SNX6: variants seen among roughly 807,000 people sequenced by gnomAD.
SNX6 encodes sorting nexin-6.
In SNX6, 34 loss-of-function variants were observed where a neutral mutation model predicts 63.0. That is an observed-to-expected ratio of 0.54 (90% CI 0.41 to 0.72). The LOEUF is 0.72. Among genes scored for constraint, SNX6 ranks in the 30% least tolerant of loss-of-function variants. SNX6 has a pLI of 0.00. For missense variants in SNX6, 398 were observed against 471.4 expected (o/e 0.84, Z 1.44); for synonymous variants, 170 against 164.2 (o/e 1.04, Z -0.27).
chr14:34,619,161 T>C (rs530217431), intron 2 of SNX6, among the ~76,000 whole-genome samples: 1 of 152,302 alleles, frequency 6.6e-6, no homozygotes, highest in South Asian at 2.1e-4. Flanking sequence ...CAGTGGCTTA[T>C]GCCTGTAATC....
intron 8 of SNX6, among the ~76,000 whole-genome samples, chr14:34,592,098 T>C (rs1036709043): frequency 6.6e-6 from 1 of 152,162 alleles, no homozygotes; most frequent in Non-Finnish European, 1.5e-5. Flanking sequence ...GTCTTAAAAA[T>C]TGCAAGTGGC....
chr14:34,608,276 CA>C lies in SNX6; in HGVS notation c.160-137del, dbSNP rs1411118626. 1.0e-5 allele frequency: 5 copies of C among 501,954 alleles called. No homozygotes were observed. The East Asian group carries it at 1.7e-4, about 17-fold the overall frequency. 31.1% of individuals were successfully genotyped at this position (501,954 alleles called of 1,614,324 possible). A position where few individuals can be genotyped will look rare whatever the true frequency, so the allele number is the denominator to read the frequency against. ...CACTGCAGCCTCAACCTCCCAGGCT[CA>C]AGCAATCCTCCCACCTCAGCCTCCG... On this transcript the variant is annotated intron_variant, in intron 3 of 13. Transcript: ENST00000362031.
chr14:34,604,023 G>C (rs1323143979), intron 5 of SNX6: 2 of 795,878 alleles, frequency 2.5e-6, no homozygotes, highest in Middle Eastern at 3.1e-4. Flanking sequence ...GTGAATCCCA[G>C]AGACCACAAA....
intron 5 of SNX6, among the ~76,000 whole-genome samples, chr14:34,604,498 T>TA (rs1882943162): frequency 6.6e-6 from 1 of 151,862 alleles, no homozygotes; most frequent in Admixed American, 6.6e-5. Context: ...AACTAAAAAC[T>TA]AAAACTAGTG....
chr14:34,615,119 G>A (rs573414070), intron 2 of SNX6, among the ~76,000 whole-genome samples: 1 of 150,326 alleles, frequency 6.7e-6, no homozygotes, highest in Non-Finnish European at 1.5e-5. Flanking sequence ...TCCCTTTATT[G>A]TTTAGTTTTT....
intron 2 of SNX6, chr14:34,629,563 ATG>A (rs1175118475): frequency 3.5e-6 from 2 of 574,666 alleles, no homozygotes; most frequent in Non-Finnish European, 6.6e-6. Flanking sequence ...ATGGGTTTTC[ATG>A]GCCCCAAAGT....
chr14:34,623,896 C>G (rs996654897), intron 2 of SNX6, among the ~76,000 whole-genome samples: 1 of 152,114 alleles, frequency 6.6e-6, no homozygotes, highest in African/African-American at 2.4e-5. Flanking sequence ...CTCTGGCATG[C>G]ACTGTTCTTA....
chr14:34,615,691 C>G (rs1417247653), intron 2 of SNX6, among the ~76,000 whole-genome samples: 2 of 151,214 alleles, frequency 1.3e-5, no homozygotes, highest in Admixed American at 6.6e-5. Flanking sequence ...ATTGCTCACT[C>G]TACTGTCAAA....
chr14:34,567,570 G>A, intron 13 of SNX6, 116 bp downstream of exon 13: 1 of 777,432 alleles, frequency 1.3e-6, no homozygotes, highest in Non-Finnish European at 2.1e-6. Flanking sequence ...TCCAGTTCAG[G>A]AATAGTTGTC....
intron 2 of SNX6, among the ~76,000 whole-genome samples, chr14:34,617,983 G>GACTTA (rs1250576886): frequency 6.6e-6 from 1 of 151,836 alleles, no homozygotes; most frequent in Non-Finnish European, 1.5e-5. Flanking sequence ...AGTGTACTAT[G>GACTTA]AAGTATCTAG....
intron 11 of SNX6, among the ~76,000 whole-genome samples, chr14:34,573,848 G>C (rs1347756153): frequency 6.6e-6 from 1 of 151,430 alleles, no homozygotes; most frequent in African/African-American, 2.4e-5. Flanking sequence ...TCACTATGTT[G>C]GCCAGGCTGC....
At chr14:34,614,265 A>G (rs1405447518) in intron 2 of SNX6, among the ~76,000 whole-genome samples, 1 of 151,912 alleles carries the variant, frequency 6.6e-6, no homozygotes, top group Non-Finnish European at 1.5e-5. Flanking sequence ...CATCTCTAAA[A>G]AAAAACCGAA....
chr14:34,597,367 G>A (rs531762630), intron 7 of SNX6, among the ~76,000 whole-genome samples, 183 bp downstream of exon 7: 23 of 152,310 alleles, frequency 1.5e-4, no homozygotes, highest in African/African-American at 2.9e-4. Flanking sequence ...CTTCTCATCC[G>A]TTGCAGAAGG....
chr14:34,576,637 T>C (rs919688581), intron 10 of SNX6, among the ~76,000 whole-genome samples: 2 of 151,252 alleles, frequency 1.3e-5, no homozygotes, highest in Admixed American at 6.6e-5. Context: ...TTAGTAGAGG[T>C]GGGGTTTCAC....
chr14:34,598,361 G>C (rs901281920), intron 6 of SNX6, among the ~76,000 whole-genome samples: 4 of 152,246 alleles, frequency 2.6e-5, no homozygotes, highest in African/African-American at 9.6e-5. Flanking sequence ...GCTATGGTCT[G>C]AATGTATGTG....
intron 10 of SNX6, among the ~76,000 whole-genome samples, chr14:34,578,464 C>T (rs2138285108): frequency 6.6e-6 from 1 of 151,372 alleles, no homozygotes; most frequent in East Asian, 2.0e-4. Context: ...AAACCCATCT[C>T]TACTAAAGTA....
intron 9 of SNX6, among the ~76,000 whole-genome samples, chr14:34,585,892 A>G (rs544110433): frequency 2.1e-5 from 3 of 141,814 alleles, no homozygotes; most frequent in South Asian, 4.5e-4. Flanking sequence ...GTGCCCAGCT[A>G]TATTTCATGT....
rs1410418173 is a variant in SNX6 at position 34,611,621 on chromosome 14, A to AT, written c.55-1880_55-1879insA. Among the ~76,000 whole-genome samples the AT allele has an allele frequency of 4.0e-5, 6 of 151,234 alleles. No homozygotes were observed. The East Asian group carries it at 1.2e-3, about 30-fold the overall frequency. On this transcript the variant is annotated intron_variant, in intron 2 of 13. Coordinates refer to ENST00000362031, the MANE Select transcript of SNX6 (RefSeq NM_152233.4). ...ACATGGTGAAACCCCATCTCTACTA[A>AT]AAATACCAAAATTAGCTGGGCATAG...
chr14:34,602,581 ACT>A (rs757638646), intron 6 of SNX6, among the ~76,000 whole-genome samples: 284 of 104,118 alleles, frequency 2.7e-3, no homozygotes, highest in Non-Finnish European at 4.9e-3. Flanking sequence ...ACAGAGCAAG[ACT>A]CTGTCTCAAA....
Sources: gnomAD v4.1 joint callset for allele counts (sites outside exome capture counted in the v4.1 genomes callset) on GRCh38, gnomAD v4.1.1 for gene constraint, MANE v1.5 for transcripts, NCBI Gene and HGNC (gene_info 2026-07-23, HGNC 2026-07-21) for gene names.